The following RAPGEF2 variants were observed in gnomAD, a reference collection of about 807,000 sequenced individuals.
RAPGEF2 encodes Rap guanine nucleotide exchange factor 2, also known as PDZ domain containing guanine nucleotide exchange factor (GEF) 1.
RAPGEF2 carries 54 observed loss-of-function variants against 186.7 expected under a neutral mutation model. That is an observed-to-expected ratio of 0.29 (90% CI 0.23 to 0.36). The LOEUF is 0.36. Ranked by LOEUF, RAPGEF2 falls within the 10% of genes least tolerant of loss-of-function variation. The probability of loss-of-function intolerance (pLI) is 1.00; values close to 1 mark genes in which losing one functional copy is unlikely to be tolerated. For synonymous variants in RAPGEF2, 712 were observed against 705.9 expected (o/e 1.01, Z -0.14); for missense variants, 1,532 against 2,045.0 (o/e 0.75, Z 4.84).
At chr4:159,145,255 T>C (rs1279195944) in intron 1 of RAPGEF2, among the ~76,000 whole-genome samples, 1 of 152,040 alleles carries the variant, frequency 6.6e-6, no homozygotes, top group East Asian at 1.9e-4. Context: ...CCTAATACAG[T>C]TGTCAAAATA....
chr4:159,224,619 T>C (rs1008587595), intron 4 of RAPGEF2, among the ~76,000 whole-genome samples: 1 of 152,172 alleles, frequency 6.6e-6, no homozygotes, highest in African/African-American at 2.4e-5. Context: ...TTAGACTCTC[T>C]TGTTTTAAAA....
At chr4:159,248,736 T>C (rs1404337444) in intron 7 of RAPGEF2, among the ~76,000 whole-genome samples, 3 of 152,224 alleles carry the variant, frequency 2.0e-5, no homozygotes, top group Non-Finnish European at 4.4e-5. Context: ...TGTACAGAAA[T>C]TGAAATGTAA....
At chr4:159,316,158 G>T (rs192745889) in intron 9 of RAPGEF2, among the ~76,000 whole-genome samples, 14 of 152,108 alleles carry the variant, frequency 9.2e-5, no homozygotes, top group Admixed American at 3.9e-4. Flanking sequence ...CAGAAGGCTC[G>T]CACTCTTGTC....
intron 7 of RAPGEF2, among the ~76,000 whole-genome samples, chr4:159,277,078 C>G (rs1049792444): frequency 2.1e-5 from 3 of 145,986 alleles, no homozygotes; most frequent in Non-Finnish European, 4.5e-5. Flanking sequence ...CCCCCCTCCC[C>G]CTACCCCACT....
intron 7 of RAPGEF2, among the ~76,000 whole-genome samples, chr4:159,288,135 A>C (rs1760745494): frequency 6.6e-6 from 1 of 152,142 alleles, no homozygotes. Context: ...TTCTCTCTAT[A>C]ATTTCATATC....
intron 17 of RAPGEF2, among the ~76,000 whole-genome samples, chr4:159,333,587 GTTAT>G (rs1346293472): frequency 1.3e-5 from 2 of 152,080 alleles, no homozygotes; most frequent in African/African-American, 4.8e-5. Flanking sequence ...TTTCTTCTTG[GTTAT>G]TTATTTATGC....
intron 4 of RAPGEF2, among the ~76,000 whole-genome samples, chr4:159,225,603 G>A (rs761603096): frequency 6.6e-6 from 1 of 152,168 alleles, no homozygotes; most frequent in Non-Finnish European, 1.5e-5. Flanking sequence ...ATTCACACTA[G>A]CAGTTTATGA....
chr4:159,307,394 A>G (rs1763429673), intron 8 of RAPGEF2, among the ~76,000 whole-genome samples: 2 of 152,192 alleles, frequency 1.3e-5, no homozygotes, highest in Non-Finnish European at 1.5e-5. Flanking sequence ...TCCTCATCAC[A>G]TACACACAAA....
intron 1 of RAPGEF2, among the ~76,000 whole-genome samples, chr4:159,124,360 G>T (rs1740047436): frequency 6.6e-6 from 1 of 151,514 alleles, no homozygotes; most frequent in African/African-American, 2.4e-5. Context: ...GCCAACATGT[G>T]AAACCCCGTC....
chr4:159,210,358 AATG>A lies in RAPGEF2; in HGVS notation c.198-141_198-139del, dbSNP rs570324739. On this transcript the variant is annotated intron_variant, in intron 3 of 29. Coordinates refer to ENST00000691494, the MANE Select transcript of RAPGEF2 (RefSeq NM_001394067.2). ...GTAAAAATGATTTCAGTAGTTGAATAATGGTATTTTTATGAATGTGTTGTATGC... is the reference window on the plus strand; with the variant it reads ...GTAAAAATGATTTCAGTAGTTGAATAGTATTTTTATGAATGTGTTGTATGC... 308 of 541,020 alleles carry A rather than the reference AATG, an allele frequency of 5.7e-4. 1 individual carries two copies. The highest frequency in any genetic ancestry group is 1.8e-3 in the Admixed American group (50 of 28,566). The allele number at this position is 541,020 out of a possible 1,614,324, so 33.5% of individuals were successfully genotyped here.
chr4:159,259,012 G>A (rs1444087382), intron 7 of RAPGEF2, among the ~76,000 whole-genome samples: 1 of 152,176 alleles, frequency 6.6e-6, no homozygotes, highest in Non-Finnish European at 1.5e-5. Flanking sequence ...TCTGCTAGAT[G>A]TTTACTGATG....
intron 12 of RAPGEF2, 69 bp from the exon 13 acceptor site, chr4:159,330,265 A>ATATGTGTGTGTG (rs139978349): frequency 7.5e-6 from 4 of 535,276 alleles, no homozygotes; most frequent in African/African-American, 6.2e-5. Context: ...GTATATGTAT[A>ATATGTGTGTGTG]TGTGTGTGTG....
At chr4:159,169,240 A>G in intron 1 of RAPGEF2, among the ~76,000 whole-genome samples, 1 of 121,192 alleles carries the variant, frequency 8.3e-6, no homozygotes, top group East Asian at 2.0e-4. Context: ...CATTTGTATT[A>G]GGAAAAAAAA....
intron 7 of RAPGEF2, among the ~76,000 whole-genome samples, chr4:159,265,318 A>G (rs1027040331): frequency 6.6e-6 from 1 of 152,174 alleles, no homozygotes; most frequent in Non-Finnish European, 1.5e-5. Flanking sequence ...CAAAATTACA[A>G]CGGTAGTAAA....
intron 1 of RAPGEF2, among the ~76,000 whole-genome samples, chr4:159,178,285 C>T (rs1029201258): frequency 6.6e-6 from 1 of 152,114 alleles, no homozygotes. Flanking sequence ...ATTGCACCAG[C>T]ATATGGTATG....
chr4:159,131,218 C>T (rs1460217157), intron 1 of RAPGEF2, among the ~76,000 whole-genome samples: 1 of 152,166 alleles, frequency 6.6e-6, no homozygotes, highest in Admixed American at 6.5e-5. Context: ...TCAAGCGATT[C>T]TGCTGCCTCA....
chr4:159,306,047 T>C (rs1763249202), intron 8 of RAPGEF2, among the ~76,000 whole-genome samples: 1 of 152,104 alleles, frequency 6.6e-6, no homozygotes. Context: ...ATCATGCTGT[T>C]TTAGTTATTA....
At chr4:159,190,106 C>CT (rs1224956550) in intron 2 of RAPGEF2, among the ~76,000 whole-genome samples, 1 of 152,188 alleles carries the variant, frequency 6.6e-6, no homozygotes, top group Non-Finnish European at 1.5e-5. Context: ...CCCAGATGCT[C>CT]TGTCATGGGC....
At position 159,104,241 on chromosome 4, in the gene RAPGEF2, C is replaced by T. The variant is rs1236880310; in HGVS notation, c.69+10C>T. 3.5e-6 allele frequency: 4 copies of T among 1,147,262 alleles called. No homozygotes were observed. The highest frequency in any genetic ancestry group is 1.1e-4 in the East Asian group (1 of 8,888). The allele number at this position is 1,147,262 out of a possible 1,614,324, so 71.1% of individuals were successfully genotyped here. A position where few individuals can be genotyped will look rare whatever the true frequency, so the allele number is the denominator to read the frequency against. On this transcript the variant is annotated intron_variant, in intron 1 of 29. Transcript: ENST00000691494. Reference sequence around the variant, plus strand: ...CGAAAGGACCCCCCAGGTGAGAACGCGGCGGCCGCCTGCCCTTGGCCGGAT... The same window carrying T: ...CGAAAGGACCCCCCAGGTGAGAACGTGGCGGCCGCCTGCCCTTGGCCGGAT...
Sources: allele counts gnomAD v4.1 joint callset (sites outside exome capture counted in the v4.1 genomes callset), GRCh38; gene constraint gnomAD v4.1.1; transcripts MANE v1.5; gene names NCBI Gene and HGNC (gene_info 2026-07-23, HGNC 2026-07-21).